GNG2: variants seen among roughly 807,000 people sequenced by gnomAD.
GNG2 encodes the protein G protein subunit gamma 2, also known as guanine nucleotide-binding protein G(I)/G(S)/G(O) subunit gamma-2.
Under a neutral mutation model 5.5 loss-of-function variants are expected in GNG2, and 5 were observed. The observed-to-expected ratio is 0.91, with a 90% CI of 0.48 to 1.92. The LOEUF (loss-of-function observed/expected upper bound fraction) is 1.92. Among genes scored for constraint, GNG2 ranks in the 30% most tolerant of loss-of-function variants. GNG2 has a pLI of 0.01. For synonymous variants in GNG2, 28 were observed against 32.0 expected, an observed-to-expected ratio of 0.88 and a Z score of 0.42; for missense variants, 55 against 88.4, an observed-to-expected ratio of 0.62 and a Z score of 1.52.
At chr14:51,941,136 G>A (rs1039958975) in intron 2 of GNG2, among the ~76,000 whole-genome samples, 3 of 151,982 alleles carry the variant, frequency 2.0e-5, no homozygotes, top group Admixed American at 1.3e-4. Context: ...TTACTTACTT[G>A]CTGCAGAATA....
chr14:51,965,506 AC>A (rs1311631981), intron 3 of GNG2, among the ~76,000 whole-genome samples: 2 of 152,198 alleles, frequency 1.3e-5, no homozygotes, highest in African/African-American at 4.8e-5. Context: ...GAAGGAAGGT[AC>A]TACAGGGAAC....
chr14:51,885,543 A>G (rs1014757421), intron 2 of GNG2, among the ~76,000 whole-genome samples: 2 of 152,040 alleles, frequency 1.3e-5, no homozygotes, highest in Non-Finnish European at 2.9e-5. Flanking sequence ...TTGCTGGCCT[A>G]GATTTATTCA....
intron 2 of GNG2, among the ~76,000 whole-genome samples, chr14:51,847,877 TTTTC>T (rs1306812373): frequency 0.028 from 638 of 22,428 alleles, 104 homozygotes; most frequent in South Asian, 0.081. Context: ...TACAGGTCCT[TTTTC>T]TTTTTTTTTT....
chr14:51,908,972 C>A (rs988881905), intron 2 of GNG2, among the ~76,000 whole-genome samples: 2 of 151,890 alleles, frequency 1.3e-5, no homozygotes, highest in Non-Finnish European at 1.5e-5. Context: ...TACTAGGGTA[C>A]AATATAGAAA....
intron 2 of GNG2, among the ~76,000 whole-genome samples, chr14:51,853,465 G>A (rs1882007163): frequency 6.6e-6 from 1 of 152,138 alleles, no homozygotes; most frequent in African/African-American, 2.4e-5. Flanking sequence ...GAGGAGCCAA[G>A]GAAGGTCACA....
chr14:51,844,431 GA>G (rs1881567828), intron 2 of GNG2, among the ~76,000 whole-genome samples: 1 of 152,188 alleles, frequency 6.6e-6, no homozygotes, highest in Admixed American at 6.5e-5. Flanking sequence ...TGAAGAGGAG[GA>G]GGAGTTTCTC....
chr14:51,901,126 C>T (rs1425323297), intron 2 of GNG2, among the ~76,000 whole-genome samples: 2 of 152,064 alleles, frequency 1.3e-5, no homozygotes, highest in Non-Finnish European at 2.9e-5. Flanking sequence ...ACCATTAGAG[C>T]TATATTGGGT....
chr14:51,938,261 A>C (rs1367600984), intron 2 of GNG2, among the ~76,000 whole-genome samples: 4 of 152,240 alleles, frequency 2.6e-5, no homozygotes, highest in Non-Finnish European at 4.4e-5. Context: ...TAATAGAGTC[A>C]CAGTTGGTTG....
chr14:51,937,578 G>A (rs932355731), intron 2 of GNG2, among the ~76,000 whole-genome samples: 5 of 151,506 alleles, frequency 3.3e-5, no homozygotes, highest in East Asian at 1.9e-4. Flanking sequence ...ATGCTTTTCA[G>A]TTTTCCGAAA....
intron 2 of GNG2, among the ~76,000 whole-genome samples, chr14:51,944,631 C>A (rs182241723): frequency 1.1e-3 from 168 of 152,296 alleles, no homozygotes; most frequent in African/African-American, 3.9e-3. Context: ...GGCCGTAACA[C>A]TGTGAACAAA....
chr14:51,940,176 G>A (rs1480290832), intron 2 of GNG2: 1 of 152,244 alleles, frequency 6.6e-6, no homozygotes, highest in Non-Finnish European at 1.5e-5. Context: ...AAAAAGAAGA[G>A]GAGTGGGGAC....
chr14:51,846,798 G>A (rs1311921268), intron 2 of GNG2, among the ~76,000 whole-genome samples: 1 of 152,184 alleles, frequency 6.6e-6, no homozygotes, highest in Admixed American at 6.5e-5. Flanking sequence ...CCTACTCCAG[G>A]AAGGGCACCA....
At chr14:51,851,916 C>T (rs976086155) in intron 2 of GNG2, among the ~76,000 whole-genome samples, 3 of 152,170 alleles carry the variant, frequency 2.0e-5, no homozygotes, top group African/African-American at 4.8e-5. Flanking sequence ...GTCATTTTTC[C>T]ACTTTTACAT....
chr14:51,827,651 A>G, intron 1 of GNG2: 1 of 697,952 alleles, frequency 1.4e-6, no homozygotes, highest in African/African-American at 1.8e-5. Context: ...ATCCACGTAT[A>G]TGTTTACATA....
intron 2 of GNG2, among the ~76,000 whole-genome samples, chr14:51,950,394 C>T (rs958689355): frequency 1.2e-4 from 19 of 152,202 alleles, no homozygotes; most frequent in African/African-American, 4.3e-4. Flanking sequence ...ACTGGGAGAA[C>T]ATTTGGTAAT....
intron 2 of GNG2, among the ~76,000 whole-genome samples, chr14:51,830,204 T>A (rs1881144134): frequency 6.6e-6 from 1 of 152,228 alleles, no homozygotes; most frequent in Non-Finnish European, 1.5e-5. Flanking sequence ...CTCCTGGGTT[T>A]CCTTCTCTAC....
intron 2 of GNG2, among the ~76,000 whole-genome samples, chr14:51,947,074 C>G (rs1289014502): frequency 6.6e-6 from 1 of 152,192 alleles, no homozygotes; most frequent in African/African-American, 2.4e-5. Flanking sequence ...TACTTTTTCT[C>G]TTAAGTCCAT....
In GNG2 at chr14:51,881,262, C is replaced by A. The variant is rs993737563; in HGVS notation, c.-30+3605C>A. Among the ~76,000 whole-genome samples the A allele has an allele frequency of 3.3e-5, 5 of 152,298 alleles. No homozygotes were observed. In the South Asian group the frequency reaches 1.0e-3, roughly 32 times the overall value. On this transcript the variant is annotated intron_variant, in intron 2 of 3. Coordinates refer to ENST00000556766, the MANE Select transcript of GNG2 (RefSeq NM_053064.5). ...CATAGAGCAAAATCGAACTTTTCCCCCCTAAGAGACAGCACAGACTGTTCA... is the reference window on the plus strand; with the variant it reads ...CATAGAGCAAAATCGAACTTTTCCCACCTAAGAGACAGCACAGACTGTTCA...
At chr14:51,963,863 A>T (rs1260834062) in intron 3 of GNG2, among the ~76,000 whole-genome samples, 1 of 152,256 alleles carries the variant, frequency 6.6e-6, no homozygotes, top group Non-Finnish European at 1.5e-5. Context: ...CAAAATAAGG[A>T]TAAAATAAAA....
Sources: allele counts gnomAD v4.1 joint callset (sites outside exome capture counted in the v4.1 genomes callset), GRCh38; gene constraint gnomAD v4.1.1; transcripts MANE v1.5; gene names NCBI Gene and HGNC (gene_info 2026-07-23, HGNC 2026-07-21).